Variants in FBXO47 observed in about 807,000 individuals in gnomAD.
The protein encoded by FBXO47 is F-box only protein 47.
In FBXO47, 34 loss-of-function variants were observed where a neutral mutation model predicts 53.9. That is an observed-to-expected ratio of 0.63 (90% CI 0.48 to 0.84). The LOEUF (loss-of-function observed/expected upper bound fraction) is 0.84. Ranked by LOEUF, FBXO47 falls within the 40% of genes least tolerant of loss-of-function variation. The probability of loss-of-function intolerance (pLI) is 0.00; values close to 1 mark genes in which losing one functional copy is unlikely to be tolerated. For synonymous variants in FBXO47, 165 were observed against 181.6 expected, an observed-to-expected ratio of 0.91 and a Z score of 0.73; for missense variants, 485 against 541.3, an observed-to-expected ratio of 0.90 and a Z score of 1.03.
intron 6 of FBXO47, 34 bp from the exon 7 acceptor site, chr17:38,945,170 G>A (rs368706602): frequency 8.5e-5 from 128 of 1,502,762 alleles, no homozygotes; most frequent in Non-Finnish European, 1.1e-4. Flanking sequence ...ATCATTCTTC[G>A]TAGAAAGGCT....
intron 3 of FBXO47, among the ~76,000 whole-genome samples, chr17:38,961,560 A>G (rs1352449814): frequency 1.3e-5 from 2 of 152,152 alleles, no homozygotes; most frequent in Non-Finnish European, 2.9e-5. Context: ...AAGAGATAAA[A>G]CTCACTTGAT....
At chr17:38,954,197 C>A (rs1430039171) in intron 5 of FBXO47, among the ~76,000 whole-genome samples, 4 of 151,872 alleles carry the variant, frequency 2.6e-5, no homozygotes, top group African/African-American at 9.7e-5. Flanking sequence ...ACTCAGGAGG[C>A]TGAGGCAGGA....
At chr17:38,962,297 G>A (rs917494001) in intron 2 of FBXO47, among the ~76,000 whole-genome samples, 6 of 152,118 alleles carry the variant, frequency 3.9e-5, no homozygotes, top group African/African-American at 1.2e-4. Flanking sequence ...TTTAAGTACT[G>A]CTGTGTTCAA....
intron 6 of FBXO47, among the ~76,000 whole-genome samples, chr17:38,947,083 CATATATATAAACATATATATAAACAT>C (rs1205198836): frequency 5.2e-4 from 55 of 106,380 alleles, no homozygotes; most frequent in South Asian, 2.4e-3. Flanking sequence ...CATATATAAA[CATATATATAAACATATATATAAACAT>C]ATATATATAA....
chr17:38,959,579 CAAA>C (rs749435702), intron 3 of FBXO47, among the ~76,000 whole-genome samples: 1 of 27,854 alleles, frequency 3.6e-5, no homozygotes, highest in Non-Finnish European at 8.1e-5. Flanking sequence ...GACTCTGCCT[CAAA>C]AAAAAAAAAA....
At chr17:38,937,672 T>A (rs564258465) in intron 10 of FBXO47, among the ~76,000 whole-genome samples, 2 of 152,218 alleles carry the variant, frequency 1.3e-5, no homozygotes, top group Middle Eastern at 3.4e-3. Context: ...TTTATTTATT[T>A]ATTATTATTT....
chr17:38,962,099 G>A (rs367636023), intron 2 of FBXO47, 52 bp from the exon 3 acceptor site: 136 of 1,406,754 alleles, frequency 9.7e-5, no homozygotes, highest in African/African-American at 4.9e-4. Context: ...ATGCAAGAAC[G>A]TCACTATTAA....
chr17:38,956,420 T>C (rs1051763415), intron 4 of FBXO47, among the ~76,000 whole-genome samples: 9 of 151,524 alleles, frequency 5.9e-5, no homozygotes, highest in Admixed American at 1.3e-4. Flanking sequence ...AAACCTCATC[T>C]CTACTAAAAG....
chr17:38,936,591 G>A lies in FBXO47; in HGVS notation c.*584C>T, dbSNP rs1915586490. On this transcript the variant is annotated 3_prime_UTR_variant, in exon 11 of 11. Coordinates refer to ENST00000378079, the MANE Select transcript of FBXO47 (RefSeq NM_001008777.3). ...AGGAAATATATGTCTGTGTGTGTGT[G>A]TCTATATATATATATAGACATATAT... The A allele has an allele frequency of 6.9e-6, 1 of 144,924 alleles. No homozygotes were observed. Among genetic ancestry groups the A allele is most frequent in the Non-Finnish European group, 1.5e-5 (1 of 66,042 alleles). 9.0% of individuals were successfully genotyped at this position (144,924 alleles called of 1,614,324 possible). A position where few individuals can be genotyped will look rare whatever the true frequency, so the allele number is the denominator to read the frequency against.
At chr17:38,940,737 G>A (rs993342702) in intron 9 of FBXO47, among the ~76,000 whole-genome samples, 21 of 151,700 alleles carry the variant, frequency 1.4e-4, no homozygotes, top group African/African-American at 3.9e-4. Context: ...GTGCAGTGGC[G>A]TGACCATAGC....
Position 38,938,619 on chromosome 17 carries a change from A to G in FBXO47, c.1197T>C (p.Asn399=). 6.2e-7 allele frequency: 1 copy of G among 1,613,802 alleles called. No individual in the cohort carries two copies. Among genetic ancestry groups the G allele is most frequent in the Non-Finnish European group, 8.5e-7 (1 of 1,179,876 alleles). The change falls in exon 10 of 11, where the codon AAT becomes AAC. Residue 399 remains asparagine, a synonymous_variant. Transcript: ENST00000378079. ...ERKNFLQNVA[N]AFACVIMEML... is the part of the protein sequence containing the mutation. ...TTTCCATTATAACACATGCAAATGC[A>G]TTTGCCACATTCTGCAGGAAGTTCT...
chr17:38,939,293 C>CAAAAAAAAA (rs1218321299), intron 9 of FBXO47, among the ~76,000 whole-genome samples: 5 of 34,864 alleles, frequency 1.4e-4, no homozygotes, highest in Admixed American at 6.8e-4. Flanking sequence ...ACTCCATCTC[C>CAAAAAAAAA]AAAAAAAAAA....
intron 6 of FBXO47, among the ~76,000 whole-genome samples, chr17:38,949,253 T>TA (rs1215875666): frequency 6.6e-6 from 1 of 151,632 alleles, no homozygotes; most frequent in Non-Finnish European, 1.5e-5. Context: ...CCCATCACTA[T>TA]AAAAAATACC....
chr17:38,955,343 G>A (rs1173983587), intron 4 of FBXO47, among the ~76,000 whole-genome samples: 2 of 149,566 alleles, frequency 1.3e-5, no homozygotes, highest in Non-Finnish European at 3.0e-5. Context: ...AGTCGAGACC[G>A]TGCCATGGCA....
intron 6 of FBXO47, among the ~76,000 whole-genome samples, chr17:38,946,360 A>G (rs1398636956): frequency 9.6e-5 from 9 of 94,188 alleles, no homozygotes; most frequent in African/African-American, 3.7e-4. Context: ...AAATATATAT[A>G]AATATATAGA....
chr17:38,955,533 T>C (rs1364478681), intron 4 of FBXO47, among the ~76,000 whole-genome samples: 1 of 151,870 alleles, frequency 6.6e-6, no homozygotes, highest in Non-Finnish European at 1.5e-5. Context: ...AGCCTCTGCC[T>C]CCTGGGTTCA....
intron 3 of FBXO47, 30 bp downstream of exon 3, chr17:38,961,842 TCTTTA>T (rs1320835779): frequency 6.3e-7 from 1 of 1,578,930 alleles, no homozygotes; most frequent in African/African-American, 1.4e-5. Context: ...TAAGCACAGT[TCTTTA>T]CTTGTTGCAA....
intron 6 of FBXO47, among the ~76,000 whole-genome samples, chr17:38,947,832 A>G (rs1471453777): frequency 6.6e-6 from 1 of 151,930 alleles, no homozygotes; most frequent in Admixed American, 6.6e-5. Context: ...ATGGGTGTGA[A>G]CCCGGGAGGC....
chr17:38,952,949 T>C (rs1905371231), intron 5 of FBXO47, among the ~76,000 whole-genome samples: 2 of 150,952 alleles, frequency 1.3e-5, no homozygotes, highest in African/African-American at 2.4e-5. Flanking sequence ...CAACTACGCC[T>C]GGCTATTTAT....
Sources: allele counts gnomAD v4.1 joint callset (sites outside exome capture counted in the v4.1 genomes callset), GRCh38; gene constraint gnomAD v4.1.1; transcripts MANE v1.5; gene names NCBI Gene and HGNC (gene_info 2026-07-23, HGNC 2026-07-21).